SEM1: variants seen among roughly 807,000 people sequenced by gnomAD.
SEM1 encodes 26S proteasome complex subunit SEM1.
Under a neutral mutation model 12.7 loss-of-function variants are expected in SEM1, and 3 were observed. The ratio of observed to expected loss-of-function variants is 0.24; its 90% CI spans 0.11 to 0.61. The LOEUF is 0.61. Among genes scored for constraint, SEM1 ranks in the 20% least tolerant of loss-of-function variants. The pLI is 0.88. For synonymous variants in SEM1, 30 were observed against 27.8 expected, an observed-to-expected ratio of 1.08 and a Z score of -0.25; for missense variants, 59 against 81.3, an observed-to-expected ratio of 0.73 and a Z score of 1.06.
chr7:96,634,352 G>A (rs1008612165), intron 2 of SEM1, among the ~76,000 whole-genome samples: 1 of 151,852 alleles, frequency 6.6e-6, no homozygotes, highest in East Asian at 1.9e-4. Context: ...TGAAAGAATA[G>A]GTAGATCATT....
At chr7:96,700,862 A>C (rs1171900016) in intron 1 of SEM1, among the ~76,000 whole-genome samples, 3 of 152,098 alleles carry the variant, frequency 2.0e-5, no homozygotes, top group Non-Finnish European at 4.4e-5. Flanking sequence ...TTTTCATTCC[A>C]ATCTGTATAT....
At chr7:96,500,861 T>A (rs569594238), upstream of SEM1, among the ~76,000 whole-genome samples, 78 of 152,278 alleles carry the variant, frequency 5.1e-4, no homozygotes, top group Non-Finnish European at 9.7e-4. Flanking sequence ...TGGACTACAT[T>A]TGGCTGTGGT....
chr7:96,644,427 C>A (rs995360351), intron 2 of SEM1, among the ~76,000 whole-genome samples: 1 of 152,032 alleles, frequency 6.6e-6, no homozygotes, highest in African/African-American at 2.4e-5. Flanking sequence ...ATGTATTTTT[C>A]TGTCTTCATA....
intron 2 of SEM1, among the ~76,000 whole-genome samples, chr7:96,539,582 G>A (rs970616129): frequency 1.3e-5 from 2 of 151,562 alleles, no homozygotes; most frequent in African/African-American, 2.4e-5. Flanking sequence ...TGGAAATGAT[G>A]GGATCCATAT....
At chr7:96,562,811 T>C (rs952241272) in intron 2 of SEM1, among the ~76,000 whole-genome samples, 2 of 152,132 alleles carry the variant, frequency 1.3e-5, no homozygotes, top group African/African-American at 4.8e-5. Flanking sequence ...ACCAGGTGAG[T>C]GCCACCATGC....
At chr7:96,627,540 G>A (rs1808111393) in intron 2 of SEM1, among the ~76,000 whole-genome samples, 1 of 151,972 alleles carries the variant, frequency 6.6e-6, no homozygotes, top group Non-Finnish European at 1.5e-5. Flanking sequence ...GGTCATTCAG[G>A]AGCATGTTGT....
downstream of SEM1, among the ~76,000 whole-genome samples, chr7:96,668,830 T>C (rs866658582): frequency 6.6e-6 from 1 of 152,118 alleles, no homozygotes. Flanking sequence ...GCAGATATAA[T>C]GAATAAGATG....
chr7:96,535,674 T>C (rs1804766123), intron 2 of SEM1, among the ~76,000 whole-genome samples: 1 of 151,882 alleles, frequency 6.6e-6, no homozygotes, highest in Non-Finnish European at 1.5e-5. Flanking sequence ...TGTGTTCTCC[T>C]TATTTAGCTC....
At chr7:96,637,636 C>T (rs1808469500) in intron 2 of SEM1, among the ~76,000 whole-genome samples, 1 of 152,000 alleles carries the variant, frequency 6.6e-6, no homozygotes, top group African/African-American at 2.4e-5. Flanking sequence ...CCAGTTCACT[C>T]TCAGTTTAAA....
chr7:96,598,522 T>C (rs1308155115), intron 2 of SEM1, among the ~76,000 whole-genome samples: 1 of 152,146 alleles, frequency 6.6e-6, no homozygotes, highest in Non-Finnish European at 1.5e-5. Context: ...TTAATTAAGG[T>C]AATCCTTCAA....
intron 1 of SEM1, among the ~76,000 whole-genome samples, chr7:96,495,659 A>G (rs1183305431): frequency 6.6e-6 from 1 of 152,140 alleles, no homozygotes; most frequent in South Asian, 2.1e-4. Context: ...GGCTAATTTC[A>G]TGGATGTTTT....
chr7:96,502,753 C>T (rs986369397), intron 3 of SEM1, among the ~76,000 whole-genome samples: 1 of 152,188 alleles, frequency 6.6e-6, no homozygotes, highest in East Asian at 1.9e-4. Context: ...CACTGATACG[C>T]TGCAGTAATT....
chr7:96,488,158 A>C (rs528600303), intron 1 of SEM1, among the ~76,000 whole-genome samples: 11 of 152,286 alleles, frequency 7.2e-5, no homozygotes, highest in African/African-American at 2.6e-4. Flanking sequence ...AGACCAATGT[A>C]CTATGACGCA....
chr7:96,618,976 G>A (rs1174410877), downstream of SEM1, among the ~76,000 whole-genome samples: 1 of 152,068 alleles, frequency 6.6e-6, no homozygotes, highest in Non-Finnish European at 1.5e-5. Flanking sequence ...CTATCTTCTT[G>A]TAAATTTTTC....
chr7:96,579,274 G>C (rs1806307047), intron 2 of SEM1, among the ~76,000 whole-genome samples: 1 of 152,174 alleles, frequency 6.6e-6, no homozygotes, highest in Admixed American at 6.5e-5. Flanking sequence ...CTGTAGCTTA[G>C]TAATGATATT....
chr7:96,615,358 T>C (rs1015535036), intron 2 of SEM1, among the ~76,000 whole-genome samples: 1 of 146,660 alleles, frequency 6.8e-6, no homozygotes, highest in Non-Finnish European at 1.5e-5. Flanking sequence ...GTTCAAGCAA[T>C]TCTTATTCCT....
chr7:96,505,811 C>G (rs1803738169), intron 3 of SEM1, among the ~76,000 whole-genome samples: 1 of 152,010 alleles, frequency 6.6e-6, no homozygotes, highest in South Asian at 2.1e-4. Context: ...CTCGCAAAAC[C>G]CTCACCTCTT....
At chr7:96,617,667 T>C (rs142425180), downstream of SEM1, among the ~76,000 whole-genome samples, 745 of 152,302 alleles carry the variant, frequency 4.9e-3, 9 homozygotes, top group African/African-American at 0.017. Context: ...TGATGTTGGG[T>C]ATGGGTTTGT....
intron 2 of SEM1, among the ~76,000 whole-genome samples, chr7:96,506,909 G>A (rs544401055): frequency 6.6e-6 from 1 of 152,186 alleles, no homozygotes; most frequent in Non-Finnish European, 1.5e-5. Flanking sequence ...GCACACAGAT[G>A]CAATTAAAAC....
Sources: gnomAD v4.1 joint callset for allele counts (sites outside exome capture counted in the v4.1 genomes callset) on GRCh38, gnomAD v4.1.1 for gene constraint, MANE v1.5 for transcripts, NCBI Gene and HGNC (gene_info 2026-07-23, HGNC 2026-07-21) for gene names.